Variants in CCNDBP1 observed in about 807,000 individuals in gnomAD.
CCNDBP1 encodes cyclin-D1-binding protein 1.
A neutral mutation model predicts 46.2 loss-of-function variants in CCNDBP1; 45 were observed. The observed-to-expected ratio is 0.97, with a 90% CI of 0.77 to 1.25. The LOEUF is 1.25. Ranked by LOEUF, CCNDBP1 falls within the 50% of genes most tolerant of loss-of-function variation. The pLI is 0.00. For synonymous variants in CCNDBP1, 154 were observed against 163.6 expected, an observed-to-expected ratio of 0.94 and a Z score of 0.45; for missense variants, 436 against 442.1, an observed-to-expected ratio of 0.99 and a Z score of 0.12.
rs2042041229 is a variant in CCNDBP1 at position 43,196,636 on chromosome 15, A to G, written c.*1795A>G. 6.6e-6 allele frequency: 1 copy of G among 152,668 alleles called. No homozygotes were observed. The highest frequency in any genetic ancestry group is 6.5e-5 in the Admixed American group (1 of 15,344). 9.5% of individuals were successfully genotyped at this position (152,668 alleles called of 1,614,324 possible). A position where few individuals can be genotyped will look rare whatever the true frequency, so the allele number is the denominator to read the frequency against. On this transcript the variant is annotated 3_prime_UTR_variant, in exon 11 of 11. Coordinates refer to ENST00000300213, the MANE Select transcript of CCNDBP1 (RefSeq NM_012142.5). ...CCTAAAAATTCCATTTTGGGATAAT[A>G]TCCCACTTCATCAGAAATATTAGAA...
chr15:43,192,110 G>A (rs2041962733), intron 8 of CCNDBP1, among the ~76,000 whole-genome samples: 1 of 152,118 alleles, frequency 6.6e-6, no homozygotes, highest in African/African-American at 2.4e-5. Flanking sequence ...GTTCTGTCAA[G>A]GTCCCACATT....
chr15:43,190,336 A>T lies in CCNDBP1; in HGVS notation c.440A>T (p.Asn147Ile), dbSNP rs369370303. 9.9e-6 allele frequency: 16 copies of T among 1,614,020 alleles called. No homozygotes were observed. Among genetic ancestry groups the T allele is most frequent in the Non-Finnish European group, 1.3e-5 (15 of 1,180,012 alleles). The change falls in exon 6 of 11, where the codon AAT becomes ATT. Residue 147 changes from asparagine to isoleucine, a missense_variant. Asn to Ile is a moderately radical substitution (Grantham distance 149). Coordinates refer to ENST00000300213, the MANE Select transcript of CCNDBP1 (RefSeq NM_012142.5). ...ATTTCTTTCCCCAGCCCTGAGAACA[A>T]TGACCTTATTTCCTACAACAGTGTC... Reference protein sequence around the residue: ...SVTPTQSPENNDLISYNSVWV... With the variant: ...SVTPTQSPENIDLISYNSVWV...
Position 43,190,098 on chromosome 15 carries a change from C to T in CCNDBP1, c.375C>T (p.Ile125=), listed in dbSNP as rs200360244. 115 of 1,614,140 alleles carry T rather than the reference C, an allele frequency of 7.1e-5. 1 individual carries two copies. The East Asian group carries it at 2.4e-3, about 33-fold the overall frequency. The change falls in exon 5 of 11, where the codon ATC becomes ATT. Residue 125 remains isoleucine, a synonymous_variant. Coordinates refer to ENST00000300213, the MANE Select transcript of CCNDBP1 (RefSeq NM_012142.5). ...TGGTACGGGGCGCCACCCTGGACAT[C>T]GTGGATGGCATGGCTCAGCTCATGG... is the stretch of plus-strand genomic sequence containing the variant. ...RKLVRGATLD[I]VDGMAQLMEV...
At chr15:43,194,521 G>A (rs148515458) in intron 10 of CCNDBP1, 60 bp downstream of exon 10, 11 of 1,339,280 alleles carry the variant, frequency 8.2e-6, no homozygotes, top group East Asian at 6.9e-5. Flanking sequence ...CTGTCCAGAC[G>A]TTCTCAACTC....
chr15:43,194,672 T>A lies in CCNDBP1; in HGVS notation c.969-55T>A, dbSNP rs1262515788. ...CCCTGTGCTCCCTCCTGAGGATAGGTTTTCCCTTGACATCCTAATAAGTTT... is the reference window on the plus strand; with the variant it reads ...CCCTGTGCTCCCTCCTGAGGATAGGATTTCCCTTGACATCCTAATAAGTTT... On this transcript the variant is annotated intron_variant, in intron 10 of 10. Transcript: ENST00000300213. 9 of 1,371,790 alleles carry A rather than the reference T, an allele frequency of 6.6e-6. No homozygotes were observed. In the Admixed American group the frequency reaches 1.2e-4, roughly 19 times the overall value. 85.0% of individuals were successfully genotyped at this position (1,371,790 alleles called of 1,614,324 possible).
Position 43,186,221 on chromosome 15 carries a change from G to A in CCNDBP1, c.237G>A (p.Leu79=). 1 of 1,613,782 alleles carries A rather than the reference G, an allele frequency of 6.2e-7. No individual in the cohort carries two copies. Among genetic ancestry groups the A allele is most frequent in the Non-Finnish European group, 8.5e-7 (1 of 1,179,700 alleles). ...TLTIVFSQLP[L]PSPQETQKFC... is the part of the protein sequence containing the mutation. ...CCATAGTCTTCTCTCAGCTTCCACTGCCGTCTCCACAGGTGGGCTTCACTT... is the reference window on the plus strand; with the variant it reads ...CCATAGTCTTCTCTCAGCTTCCACTACCGTCTCCACAGGTGGGCTTCACTT... Residue 79 remains leucine, a synonymous_variant, in exon 3 of 11, where the codon CTG becomes CTA. Transcript: ENST00000300213.
In CCNDBP1 at chr15:43,194,934, T is replaced by C; in HGVS notation, c.*93T>C. 1.3e-6 allele frequency: 1 copy of C among 787,548 alleles called. No homozygotes were observed. Among genetic ancestry groups the C allele is most frequent in the Non-Finnish European group, 2.1e-6 (1 of 470,956 alleles). 48.8% of individuals were successfully genotyped at this position (787,548 alleles called of 1,614,324 possible). On this transcript the variant is annotated 3_prime_UTR_variant, in exon 11 of 11. Transcript: ENST00000300213. ...AAATGGAGCTAGAATGCTTGCTGGATTGAAAGGGAGTGCCTATCTATATTT... is the reference window on the plus strand; with the variant it reads ...AAATGGAGCTAGAATGCTTGCTGGACTGAAAGGGAGTGCCTATCTATATTT...
intron 4 of CCNDBP1, 62 bp downstream of exon 4, chr15:43,189,342 T>A: frequency 1.0e-6 from 1 of 983,660 alleles, no homozygotes; most frequent in Non-Finnish European, 1.5e-6. Flanking sequence ...GATTATGTCT[T>A]GTGACTTTTA....
chr15:43,188,332 AAGAG>A (rs1035709415), intron 3 of CCNDBP1: 3 of 152,292 alleles, frequency 2.0e-5, no homozygotes, highest in Admixed American at 6.5e-5. Context: ...CTGTTAAAAA[AAGAG>A]AGAGACCTGG....
chr15:43,197,053 T>C lies in CCNDBP1; in HGVS notation c.*2212T>C. 2.0e-6 allele frequency: 1 copy of C among 505,570 alleles called. No individual in the cohort carries two copies. Among genetic ancestry groups the C allele is most frequent in the East Asian group, 3.9e-5 (1 of 25,510 alleles). The allele number at this position is 505,570 out of a possible 1,614,324, so 31.3% of individuals were successfully genotyped here. Reference sequence around the variant, plus strand: ...CCTACCCCTCAACCCATTCTTGCCCTGTGATCTCTGCTCACGTTGCCTCCC... The same window carrying C: ...CCTACCCCTCAACCCATTCTTGCCCCGTGATCTCTGCTCACGTTGCCTCCC... On this transcript the variant is annotated 3_prime_UTR_variant, in exon 11 of 11. Transcript: ENST00000300213.
Position 43,192,943 on chromosome 15 carries a change from C to G in CCNDBP1, c.921+140C>G, listed in dbSNP as rs2041979436. 5.3e-6 allele frequency: 4 copies of G among 760,564 alleles called. No individual in the cohort carries two copies. The East Asian group carries it at 1.0e-4, about 20-fold the overall frequency. The allele number at this position is 760,564 out of a possible 1,614,324, so 47.1% of individuals were successfully genotyped here. A position where few individuals can be genotyped will look rare whatever the true frequency, so the allele number is the denominator to read the frequency against. ...TACAACAGTAATGTCACAGTTCTTGCATGCGTTTGGGGTTGATAAATATTC... is the reference window on the plus strand; with the variant it reads ...TACAACAGTAATGTCACAGTTCTTGGATGCGTTTGGGGTTGATAAATATTC... On this transcript the variant is annotated intron_variant, in intron 9 of 10. Transcript: ENST00000300213.
chr15:43,186,812 A>G (rs754644630), intron 3 of CCNDBP1, among the ~76,000 whole-genome samples: 6 of 152,186 alleles, frequency 3.9e-5, no homozygotes, highest in Non-Finnish European at 7.3e-5. Context: ...TTCTGTGCAT[A>G]TATACATTCA....
At position 43,191,518 on chromosome 15, in the gene CCNDBP1, G is replaced by T; in HGVS notation, c.703G>T (p.Glu235Ter). 1 of 1,614,136 alleles carries T rather than the reference G, an allele frequency of 6.2e-7. No homozygotes were observed. Among genetic ancestry groups the T allele is most frequent in the Non-Finnish European group, 8.5e-7 (1 of 1,180,030 alleles). ...CAGCAATCAGGACTTGTATTGGTCA[G>T]AGGACGATCAAGAGCTCATAATCCC... Reference protein sequence around the residue: ...FPSNQDLYWSEDDQELIIPCL... With the variant: ...FPSNQDLYWS Residue 235 changes from glutamate (E) to a stop codon, truncating the protein, a stop_gained, in exon 8 of 11, where the codon GAG becomes TAG. Coordinates refer to ENST00000300213, the MANE Select transcript of CCNDBP1 (RefSeq NM_012142.5). LOFTEE classifies it high-confidence loss of function.
At chr15:43,188,144 CACAA>C (rs1259408302) in intron 3 of CCNDBP1, among the ~76,000 whole-genome samples, 5 of 152,130 alleles carry the variant, frequency 3.3e-5, no homozygotes, top group East Asian at 3.8e-4. Context: ...CCTGACTGGT[CACAA>C]ACAGTTTGTA....
At chr15:43,187,306 G>A (rs112262051) in intron 3 of CCNDBP1, among the ~76,000 whole-genome samples, 7 of 146,302 alleles carry the variant, frequency 4.8e-5, no homozygotes. Flanking sequence ...GTCTCTCTCT[G>A]TCACTCAGGC....
intron 5 of CCNDBP1, 34 bp downstream of exon 5, chr15:43,190,185 G>A: frequency 6.2e-7 from 1 of 1,604,914 alleles, no homozygotes; most frequent in East Asian, 2.2e-5. Flanking sequence ...ACCAGTTATT[G>A]GGGTTCCTTG....
At position 43,191,037 on chromosome 15, in the gene CCNDBP1, G is replaced by C. The variant is rs1567263834; in HGVS notation, c.574G>C (p.Glu192Gln). 6 of 1,613,010 alleles carry C rather than the reference G, an allele frequency of 3.7e-6. No homozygotes were observed. The highest frequency in any genetic ancestry group is 3.4e-6 in the Non-Finnish European group (4 of 1,178,996). ...DFVKDAHEEMEQAVEECDPYS... is the reference protein window; with the variant it reads ...DFVKDAHEEMQQAVEECDPYS... ...TGTGAAGGATGCACATGAAGAAATGGAGCAGGTGAGGGGACCTCCATCATT... is the reference window on the plus strand; with the variant it reads ...TGTGAAGGATGCACATGAAGAAATGCAGCAGGTGAGGGGACCTCCATCATT... Residue 192 changes from glutamate to glutamine, a missense_variant, in exon 7 of 11, where the codon GAG becomes CAG. Transcript: ENST00000300213.
At chr15:43,187,508 G>GATCC (rs1483066041) in intron 3 of CCNDBP1, among the ~76,000 whole-genome samples, 1 of 152,148 alleles carries the variant, frequency 6.6e-6, no homozygotes, top group Non-Finnish European at 1.5e-5. Flanking sequence ...GACCTCAAGT[G>GATCC]ATCCGCCTGC....
Position 43,192,770 on chromosome 15 carries a change from T to G in CCNDBP1, c.888T>G (p.Tyr296Ter). The change falls in exon 9 of 11, where the codon TAT becomes TAG. Residue 296 changes from tyrosine (Y) to a stop codon, truncating the protein, a stop_gained. Coordinates refer to ENST00000300213, the MANE Select transcript of CCNDBP1 (RefSeq NM_012142.5). LOFTEE classifies it high-confidence loss of function. ...TGGATGATTTGGCTCTGAGCATATA[T>G]CCACCTATGTGTCACCTGACCGTGC... ...PSVDDLALSI[Y>*]PPMCHLTVRI... 1 of 1,614,196 alleles carries G rather than the reference T, an allele frequency of 6.2e-7. No homozygotes were observed.
Sources: allele counts gnomAD v4.1 joint callset (sites outside exome capture counted in the v4.1 genomes callset), GRCh38; gene constraint gnomAD v4.1.1; transcripts MANE v1.5; gene names NCBI Gene and HGNC (gene_info 2026-07-23, HGNC 2026-07-21).